XKR4: variants seen among roughly 807,000 people sequenced by gnomAD.
The protein encoded by XKR4 is XK related 4.
Under a neutral mutation model 53.9 loss-of-function variants are expected in XKR4, and 12 were observed. That is an observed-to-expected ratio of 0.22 (90% CI 0.14 to 0.36). The LOEUF (loss-of-function observed/expected upper bound fraction) is 0.36, where lower values mean the gene tolerates loss of function less well. Among genes scored for constraint, XKR4 ranks in the 10% least tolerant of loss-of-function variants. XKR4 has a pLI of 1.00. For synonymous variants in XKR4, 354 were observed against 362.4 expected, an observed-to-expected ratio of 0.98 and a Z score of 0.26; for missense variants, 799 against 859.5, an observed-to-expected ratio of 0.93 and a Z score of 0.88.
intron 2 of XKR4, among the ~76,000 whole-genome samples, chr8:55,479,868 A>G (rs572423538): frequency 2.6e-5 from 4 of 152,250 alleles, no homozygotes; most frequent in South Asian, 2.1e-4. Flanking sequence ...GACTCTCTGA[A>G]TAGACCAATA....
intron 1 of XKR4, among the ~76,000 whole-genome samples, chr8:55,253,496 C>G (rs779276153): frequency 2.0e-5 from 3 of 152,114 alleles, no homozygotes; most frequent in Non-Finnish European, 4.4e-5. Flanking sequence ...TCCAACGAAC[C>G]ATTGTGAAAA....
At chr8:55,501,020 T>G (rs2129403468) in intron 2 of XKR4, among the ~76,000 whole-genome samples, 1 of 152,298 alleles carries the variant, frequency 6.6e-6, no homozygotes, top group Middle Eastern at 3.4e-3. Flanking sequence ...CAAATTTACA[T>G]AACTCTGGAG....
chr8:55,164,249 C>G, intron 1 of XKR4: 1 of 456,510 alleles, frequency 2.2e-6, no homozygotes, highest in Non-Finnish European at 4.4e-6. Context: ...GACCCATCTC[C>G]TCTTTCTCTG....
intron 1 of XKR4, among the ~76,000 whole-genome samples, chr8:55,189,794 A>C (rs1484822527): frequency 1.3e-5 from 2 of 152,184 alleles, no homozygotes; most frequent in African/African-American, 4.8e-5. Context: ...CCTTTCTGCC[A>C]CCATTTGTTC....
intron 1 of XKR4, among the ~76,000 whole-genome samples, chr8:55,168,731 C>T (rs1817105823): frequency 6.6e-6 from 1 of 152,166 alleles, no homozygotes; most frequent in African/African-American, 2.4e-5. Context: ...AGAGATGTTT[C>T]AAATCTCCTG....
intron 1 of XKR4, among the ~76,000 whole-genome samples, chr8:55,327,430 C>T (rs1225174296): frequency 1.3e-5 from 2 of 151,560 alleles, no homozygotes; most frequent in Admixed American, 6.6e-5. Flanking sequence ...AAAGTAGGTG[C>T]TCATAAAGTA....
Position 55,527,784 on chromosome 8 carries a change from A to G in XKR4, c.*3557A>G, listed in dbSNP as rs1806897975. Reference sequence around the variant, plus strand: ...TATATAATTCAAGTATTAGCAAAAGATAATCTGAGGATAAAAGTAAAATGA... The same window carrying G: ...TATATAATTCAAGTATTAGCAAAAGGTAATCTGAGGATAAAAGTAAAATGA... On this transcript the variant is annotated 3_prime_UTR_variant, in exon 3 of 3. Coordinates refer to ENST00000327381, the MANE Select transcript of XKR4 (RefSeq NM_052898.2). 1 of 152,234 alleles carries G rather than the reference A, an allele frequency of 6.6e-6. No individual in the cohort carries two copies. The highest frequency in any genetic ancestry group is 1.5e-5 in the Non-Finnish European group (1 of 68,032). 9.4% of individuals were successfully genotyped at this position (152,234 alleles called of 1,614,324 possible).
intron 1 of XKR4, among the ~76,000 whole-genome samples, chr8:55,251,200 G>A (rs1818357675): frequency 6.6e-6 from 1 of 152,172 alleles, no homozygotes; most frequent in African/African-American, 2.4e-5. Context: ...GTAGGTGTAG[G>A]TATAATAGAG....
At chr8:55,409,765 A>G (rs1804748299) in intron 2 of XKR4, among the ~76,000 whole-genome samples, 2 of 152,182 alleles carry the variant, frequency 1.3e-5, no homozygotes, top group Non-Finnish European at 2.9e-5. Flanking sequence ...CTATGGCCCT[A>G]GGATCTCTTT....
chr8:55,531,761 C>A lies in XKR4; in HGVS notation c.*7534C>A, dbSNP rs1806957371. On this transcript the variant is annotated 3_prime_UTR_variant, in exon 3 of 3. Transcript: ENST00000327381. ...TGAAGAGTTTTCCAATAGGTGACTTCTCTGATTTTTCAAGAAAGCATTCTT... is the reference window on the plus strand; with the variant it reads ...TGAAGAGTTTTCCAATAGGTGACTTATCTGATTTTTCAAGAAAGCATTCTT... 6.6e-6 allele frequency: 1 copy of A among 152,208 alleles called. No homozygotes were observed. The highest frequency in any genetic ancestry group is 1.5e-5 in the Non-Finnish European group (1 of 68,042). 9.4% of individuals were successfully genotyped at this position (152,208 alleles called of 1,614,324 possible). A position where few individuals can be genotyped will look rare whatever the true frequency, so the allele number is the denominator to read the frequency against.
At chr8:55,327,732 C>T (rs1193727886) in intron 1 of XKR4, among the ~76,000 whole-genome samples, 1 of 152,066 alleles carries the variant, frequency 6.6e-6, no homozygotes, top group African/African-American at 2.4e-5. Flanking sequence ...TCATAAAGAA[C>T]CATATTTGAC....
intron 1 of XKR4, among the ~76,000 whole-genome samples, chr8:55,153,079 C>T (rs918587587): frequency 8.5e-5 from 13 of 152,150 alleles, no homozygotes; most frequent in East Asian, 1.9e-4. Flanking sequence ...TCCAGGCTCA[C>T]GCTGGGTTGA....
chr8:55,428,997 T>C (rs1280085219), intron 2 of XKR4, among the ~76,000 whole-genome samples: 2 of 152,074 alleles, frequency 1.3e-5, no homozygotes, highest in African/African-American at 4.8e-5. Flanking sequence ...AACAAACTAG[T>C]AGGAATCAAT....
chr8:55,428,800 A>G (rs1184818256), intron 2 of XKR4, among the ~76,000 whole-genome samples: 1 of 152,252 alleles, frequency 6.6e-6, no homozygotes, highest in Non-Finnish European at 1.5e-5. Context: ...ATAAGGAGAC[A>G]TACCATGTTC....
intron 2 of XKR4, among the ~76,000 whole-genome samples, chr8:55,490,079 G>A (rs1806250221): frequency 6.6e-6 from 1 of 151,776 alleles, no homozygotes; most frequent in Non-Finnish European, 1.5e-5. Flanking sequence ...TACCATTTCT[G>A]ACACTCTTTA....
chr8:55,198,923 A>G (rs533556544), intron 1 of XKR4, among the ~76,000 whole-genome samples: 48 of 152,320 alleles, frequency 3.2e-4, no homozygotes, highest in African/African-American at 1.1e-3. Flanking sequence ...GCAAACTGAC[A>G]ATCTAAGTTT....
At chr8:55,106,635 G>T in intron 1 of XKR4, among the ~76,000 whole-genome samples, 1 of 152,110 alleles carries the variant, frequency 6.6e-6, no homozygotes, top group Admixed American at 6.6e-5. Flanking sequence ...GCCTCCAAAT[G>T]TCTTTTTCCT....
chr8:55,205,311 T>TAA (rs1585937699), intron 1 of XKR4, among the ~76,000 whole-genome samples: 1 of 152,228 alleles, frequency 6.6e-6, no homozygotes, highest in African/African-American at 2.4e-5. Flanking sequence ...GTTTTGTACT[T>TAA]AAACTATTTG....
rs534067910 is a variant in XKR4 at position 55,489,179 on chromosome 8, A to G, written c.1007-34102A>G. On this transcript the variant is annotated intron_variant, in intron 2 of 2. Transcript: ENST00000327381. ...ATAATGTATTCATATTGGCTCATCA[A>G]TGTACTGCATCGGTAACAAATGCAT... 8.5e-5 allele frequency among the ~76,000 whole-genome samples: 13 copies of G among 152,354 alleles called. No individual in the cohort carries two copies. The East Asian group carries it at 1.7e-3, about 20-fold the overall frequency.
Sources: allele counts gnomAD v4.1 joint callset (sites outside exome capture counted in the v4.1 genomes callset), GRCh38; gene constraint gnomAD v4.1.1; transcripts MANE v1.5; gene names NCBI Gene and HGNC (gene_info 2026-07-23, HGNC 2026-07-21).